The following KTN1 variants were observed in gnomAD, a reference collection of about 807,000 sequenced individuals.
KTN1 encodes kinectin.
A neutral mutation model predicts 222.5 loss-of-function variants in KTN1; 130 were observed. The observed-to-expected ratio is 0.58, with a 90% CI of 0.51 to 0.68. The LOEUF (loss-of-function observed/expected upper bound fraction) is 0.68, where lower values mean the gene tolerates loss of function less well. Ranked by LOEUF, KTN1 falls within the 30% of genes least tolerant of loss-of-function variation. The probability of loss-of-function intolerance (pLI) is 0.00; values close to 1 mark genes in which losing one functional copy is unlikely to be tolerated. For missense variants in KTN1, 1,508 were observed against 1,500.4 expected (o/e 1.01, Z -0.08); for synonymous variants, 512 against 496.3 (o/e 1.03, Z -0.42).
chr14:55,677,523 A>G (rs1357252886), intron 41 of KTN1, among the ~76,000 whole-genome samples: 2 of 151,944 alleles, frequency 1.3e-5, no homozygotes, highest in African/African-American at 2.4e-5. Context: ...TAAAATAGGT[A>G]AGTATAAAGC....
At chr14:55,676,343 T>A (rs150939540) in intron 41 of KTN1, among the ~76,000 whole-genome samples, 88 of 152,260 alleles carry the variant, frequency 5.8e-4, no homozygotes, top group Non-Finnish European at 1.1e-3. Context: ...ACAAATATAT[T>A]TTTCCTAATC....
rs776136238 is a variant in KTN1, at chr14:55,680,668, C to T, written c.4069+983C>T. 4.4e-6 allele frequency: 6 copies of T among 1,356,168 alleles called. No homozygotes were observed. The South Asian group carries it at 4.6e-5, about 10-fold the overall frequency. 84.0% of individuals were successfully genotyped at this position (1,356,168 alleles called of 1,614,324 possible). A position where few individuals can be genotyped will look rare whatever the true frequency, so the allele number is the denominator to read the frequency against. ...GACTTCCATTTTGATCTTACAGGAGCGTTTTGTCTCACTTTAGAGTGATCA... is the reference window on the plus strand; with the variant it reads ...GACTTCCATTTTGATCTTACAGGAGTGTTTTGTCTCACTTTAGAGTGATCA... On this transcript the variant is annotated intron_variant, in intron 43 of 43. Transcript: ENST00000395314.
intron 1 of KTN1, among the ~76,000 whole-genome samples, chr14:55,603,208 CATCTTTA>C (rs1243163724): frequency 3.3e-5 from 5 of 152,036 alleles, no homozygotes; most frequent in Non-Finnish European, 7.4e-5. Context: ...TAATTTCTCC[CATCTTTA>C]AAAACCAAAC....
At chr14:55,620,859 A>C (rs2039044718) in intron 5 of KTN1, among the ~76,000 whole-genome samples, 1 of 152,130 alleles carries the variant, frequency 6.6e-6, no homozygotes, top group Admixed American at 6.5e-5. Context: ...CTCATTACTT[A>C]TGCAAATTTC....
chr14:55,593,755 C>G lies in KTN1; in HGVS notation c.-31+13401C>G, dbSNP rs928017858. 4.0e-5 allele frequency among the ~76,000 whole-genome samples: 6 copies of G among 150,160 alleles called. No homozygotes were observed. The South Asian group carries it at 1.3e-3, about 31-fold the overall frequency. On this transcript the variant is annotated intron_variant, in intron 1 of 43. Transcript: ENST00000395314. The stretch of plus-strand genomic sequence containing the variant: ...GGATGTTTTGTTGTCTTTTTTTTTT[C>G]TCCAGGCTTGGAGCTTCTGTAAAGT...
chr14:55,595,085 A>G (rs2034796125), intron 1 of KTN1, among the ~76,000 whole-genome samples: 1 of 152,158 alleles, frequency 6.6e-6, no homozygotes, highest in Non-Finnish European at 1.5e-5. Flanking sequence ...AGGAGCTGGA[A>G]GCTCATTGAC....
chr14:55,609,952 A>C (rs970058927), intron 1 of KTN1, among the ~76,000 whole-genome samples: 6 of 152,198 alleles, frequency 3.9e-5, no homozygotes, highest in Non-Finnish European at 8.8e-5. Context: ...GCACAGTGAA[A>C]TGTGTCTAAT....
At chr14:55,679,355 A>G (rs1473547126) in intron 42 of KTN1, 1 of 432,808 alleles carries the variant, frequency 2.3e-6, no homozygotes, top group Admixed American at 4.4e-5. Flanking sequence ...CAACATTTAT[A>G]ACATAGTTTT....
intron 32 of KTN1, chr14:55,662,886 A>G (rs1401383588): frequency 2.2e-6 from 1 of 455,924 alleles, no homozygotes; most frequent in African/African-American, 2.0e-5. Context: ...GTGTTTTATT[A>G]TTGGACTTCT....
chr14:55,608,105 T>C (rs1391598744), intron 1 of KTN1, among the ~76,000 whole-genome samples: 1 of 152,208 alleles, frequency 6.6e-6, no homozygotes, highest in Non-Finnish European at 1.5e-5. Context: ...CAGAGCTAAA[T>C]TAACTTTGTC....
At chr14:55,584,256 C>T (rs936055387) in intron 1 of KTN1, among the ~76,000 whole-genome samples, 1 of 152,226 alleles carries the variant, frequency 6.6e-6, no homozygotes, top group Non-Finnish European at 1.5e-5. Flanking sequence ...GCTTACTTCT[C>T]TCTGGCTCCA....
intron 40 of KTN1, chr14:55,674,212 C>T (rs1240749822): frequency 6.6e-6 from 1 of 151,992 alleles, no homozygotes; most frequent in Non-Finnish European, 1.5e-5. Context: ...GTATGAAATA[C>T]AGGTTGCGTA....
chr14:55,662,110 G>T lies in KTN1; in HGVS notation c.3090+498G>T, dbSNP rs377223001. ...TTTTAAGACAGGGTCTCGCTCTGTT[G>T]CCCAGGCTGGAGGTGGCTTGAACTT... On this transcript the variant is annotated intron_variant, in intron 32 of 43. Transcript: ENST00000395314. 9.3e-5 allele frequency among the ~76,000 whole-genome samples: 13 copies of T among 140,194 alleles called. 1 individual carries two copies. The South Asian group carries it at 2.9e-3, about 32-fold the overall frequency. The allele number at this position is 140,194 out of a possible 152,430, so 92.0% of individuals were successfully genotyped here.
chr14:55,675,618 T>C (rs1566854932), intron 40 of KTN1: 3 of 387,198 alleles, frequency 7.7e-6, no homozygotes, highest in Non-Finnish European at 1.4e-5. Flanking sequence ...TTTTCTACTC[T>C]AAACTGTAGT....
intron 28 of KTN1, 53 bp downstream of exon 28, chr14:55,653,649 T>C: frequency 7.4e-7 from 1 of 1,351,244 alleles, no homozygotes; most frequent in Non-Finnish European, 1.1e-6. Flanking sequence ...CTCATTATTT[T>C]CCAGGGTGTG....
At chr14:55,637,451 C>A in intron 11 of KTN1, 87 bp downstream of exon 11, 2 of 911,824 alleles carry the variant, frequency 2.2e-6, no homozygotes, top group Non-Finnish European at 1.6e-6. Context: ...TAAAGTCTAC[C>A]TTATCCTAAT....
chr14:55,608,721 C>T (rs1185210555), intron 1 of KTN1, among the ~76,000 whole-genome samples: 1 of 151,750 alleles, frequency 6.6e-6, no homozygotes, highest in East Asian at 1.9e-4. Context: ...CCTCTGCCTC[C>T]TGGGTTCAAG....
intron 6 of KTN1, among the ~76,000 whole-genome samples, chr14:55,628,367 A>T (rs1040412361): frequency 1.3e-5 from 2 of 152,246 alleles, no homozygotes; most frequent in Non-Finnish European, 2.9e-5. Context: ...TTTAAGTCTG[A>T]TTAATGGAAT....
rs759587990 is a variant in KTN1, at chr14:55,637,827, C to T, written c.1765C>T (p.His589Tyr). 3.7e-6 allele frequency: 6 copies of T among 1,610,834 alleles called. No homozygotes were observed. The highest frequency in any genetic ancestry group is 2.7e-5 in the African/African-American group (2 of 74,796). The change falls in exon 12 of 44, where the codon CAT (histidine) becomes TAT (tyrosine). Residue 589 changes from histidine (H) to tyrosine (Y), a missense_variant. Coordinates refer to ENST00000395314, the MANE Select transcript of KTN1 (RefSeq NM_001079521.2). Reference protein sequence around the residue: ...EALKAQIQQFHSQIAAQTSAS... With the variant: ...EALKAQIQQFYSQIAAQTSAS... The stretch of plus-strand genomic sequence containing the variant: ...TTTGAAAGCTCAAATTCAGCAGTTC[C>T]ATTCCCAGATAGCAGCCCAGGTAAT...
Sources: allele counts gnomAD v4.1 joint callset (sites outside exome capture counted in the v4.1 genomes callset), GRCh38; gene constraint gnomAD v4.1.1; transcripts MANE v1.5; gene names NCBI Gene and HGNC (gene_info 2026-07-23, HGNC 2026-07-21).